Variants in HLA-DPA1 observed in about 807,000 individuals in gnomAD.
HLA-DPA1 encodes major histocompatibility complex, class II, DP alpha 1, also known as HLA class II histocompatibility antigen, DP alpha 1 chain.
A neutral mutation model predicts 21.5 loss-of-function variants in HLA-DPA1; 20 were observed. The ratio of observed to expected loss-of-function variants is 0.93; its 90% CI spans 0.66 to 1.35. The LOEUF is 1.35. Ranked by LOEUF, HLA-DPA1 falls within the 40% of genes most tolerant of loss-of-function variation. HLA-DPA1 has a pLI of 0.00. For synonymous variants in HLA-DPA1, 123 were observed against 129.6 expected, an observed-to-expected ratio of 0.95 and a Z score of 0.35; for missense variants, 279 against 323.0, an observed-to-expected ratio of 0.86 and a Z score of 1.05.
chr6:33,068,640 T>G, exon 5 of HLA-DPA1: 1 of 1,608,662 alleles, frequency 6.2e-7, no homozygotes, highest in Non-Finnish European at 8.5e-7. Flanking sequence ...ATTCCCACCT[T>G]TACAGTATTT....
chr6:33,074,564 TATTTAATGTAATGATG>T (rs1457446266), intron 1 of HLA-DPA1, among the ~76,000 whole-genome samples: 4 of 152,244 alleles, frequency 2.6e-5, no homozygotes, highest in African/African-American at 9.6e-5. Flanking sequence ...AAACATTTAC[TATTTAATGTAATGATG>T]AAGTACATAT....
chr6:33,075,985 C>T (rs1762513971), intron 1 of HLA-DPA1: 10 of 1,308,224 alleles, frequency 7.6e-6, no homozygotes, highest in South Asian at 1.2e-5. Context: ...CTCCCTTTAG[C>T]GAGTCCTTCT....
intron 1 of HLA-DPA1, among the ~76,000 whole-genome samples, chr6:33,077,777 C>T (rs1331053885): frequency 6.6e-6 from 1 of 152,104 alleles, no homozygotes; most frequent in East Asian, 1.9e-4. Context: ...CTAGGACACA[C>T]CTAGAAGGTA....
intron 1 of HLA-DPA1, among the ~76,000 whole-genome samples, chr6:33,076,322 C>T (rs1296863888): frequency 6.6e-6 from 1 of 152,222 alleles, no homozygotes; most frequent in African/African-American, 2.4e-5. Flanking sequence ...ACCCTACTGG[C>T]CTATTCTCTC....
chr6:33,069,776 CCTT>C (rs772373354), exon 3 of HLA-DPA1: 4 of 1,612,408 alleles, frequency 2.5e-6, no homozygotes, highest in Non-Finnish European at 3.4e-6. Context: ...CAGACGGTCT[CCTT>C]CTTGTCCAGA....
intron 2 of HLA-DPA1, 57 bp from the exon 2 acceptor site, chr6:33,069,943 G>C: frequency 6.7e-7 from 1 of 1,503,302 alleles, no homozygotes; most frequent in Non-Finnish European, 9.1e-7. Context: ...TATGCAAGTG[G>C]TCAAAGCTAG....
At chr6:33,073,365 C>A in intron 2 of HLA-DPA1, 106 bp downstream of exon 1, 1 of 752,950 alleles carries the variant, frequency 1.3e-6, no homozygotes, top group Non-Finnish European at 2.4e-6. Flanking sequence ...ACTATGAGGA[C>A]CAGATAGATC....
chr6:33,065,257 ATGAAG>A lies in HLA-DPA1; in HGVS notation c.*98_*102del, dbSNP rs371909285. ...AGTCAGCCACTGGAGTAGTTTTCAC[ATGAAG>A]TGAGAAGAAAAGCTGAGATGGAGTT... On this transcript the variant is annotated 3_prime_UTR_variant, in exon 6 of 6. Transcript: ENST00000419277. The A allele has an allele frequency of 2.0e-3, 307 of 152,480 alleles. 1 individual carries two copies. Among genetic ancestry groups the A allele is most frequent in the Middle Eastern group, 0.014 (4 of 296 alleles). The allele number at this position is 152,480 out of a possible 1,614,324, so 9.4% of individuals were successfully genotyped here.
exon 6 of HLA-DPA1, chr6:33,065,244 G>A (rs905968732): frequency 6.6e-6 from 1 of 152,312 alleles, no homozygotes; most frequent in Non-Finnish European, 1.5e-5. Flanking sequence ...TCAGCCACTG[G>A]AGTAGTTTTC....
chr6:33,068,879 G>C, intron 4 of HLA-DPA1, 75 bp from the exon 4 acceptor site: 1 of 1,559,434 alleles, frequency 6.4e-7, no homozygotes, highest in Non-Finnish European at 8.8e-7. Context: ...TGTGGGAATT[G>C]AAGGTTATGG....
At position 33,071,264 on chromosome 6, in the gene HLA-DPA1, G is replaced by A. The variant is rs141044618; in HGVS notation, c.101-1378C>T. On this transcript the variant is annotated intron_variant, in intron 2 of 5. Transcript: ENST00000419277. ...ACAGTAAGTGGCCAAGCAAAGAGTG[G>A]TATTTGAAACTAAACAAAACAAATC... Among the ~76,000 whole-genome samples, 534 of 152,294 alleles carry A rather than the reference G, an allele frequency of 3.5e-3. 2 individuals carry two copies. The highest frequency in any genetic ancestry group is 0.026 in the East Asian group (133 of 5,190).
exon 2 of HLA-DPA1, chr6:33,073,587 T>A: frequency 6.3e-7 from 1 of 1,580,288 alleles, no homozygotes; most frequent in Non-Finnish European, 8.7e-7. Flanking sequence ...GGGTCTATAA[T>A]TGATGACTGT....
rs759515868 is a variant in HLA-DPA1, at chr6:33,068,699, A to G, written c.734T>C (p.Ile245Thr). 3.1e-6 allele frequency: 5 copies of G among 1,613,030 alleles called. No homozygotes were observed. The South Asian group carries it at 4.4e-5, about 14-fold the overall frequency. Residue 245 changes from isoleucine to threonine, a missense_variant, in exon 5 of 6, where the codon ATA (isoleucine) becomes ACA (threonine). Transcript: ENST00000419277. ...GTCATGGCCAGAACGCAGAGACTTT[A>G]TGATGAGGACGGTGCCCACGATGAT...
chr6:33,066,147 T>C (rs1388662683), intron 5 of HLA-DPA1: 1 of 152,188 alleles, frequency 6.6e-6, no homozygotes, highest in Non-Finnish European at 1.5e-5. Flanking sequence ...GATATAATTA[T>C]AAATGTGTGT....
chr6:33,078,868 C>A (rs375832885), intron 1 of HLA-DPA1, among the ~76,000 whole-genome samples: 3 of 152,260 alleles, frequency 2.0e-5, no homozygotes, highest in South Asian at 2.1e-4. Flanking sequence ...GGAGAATCCA[C>A]ACTCAGAGTG....
intron 1 of HLA-DPA1, chr6:33,076,198 A>G: frequency 1.7e-6 from 2 of 1,204,564 alleles, no homozygotes; most frequent in Non-Finnish European, 1.2e-6. Context: ...TTCCTAGGGG[A>G]CGTTATCTTT....
chr6:33,069,977 A>G, intron 2 of HLA-DPA1, 91 bp from the exon 2 acceptor site: 2 of 1,228,736 alleles, frequency 1.6e-6, no homozygotes, highest in South Asian at 2.9e-5. Context: ...ACTTATGAAT[A>G]TAAAAAGGAA....
chr6:33,079,062 G>A (rs962107848), intron 1 of HLA-DPA1, among the ~76,000 whole-genome samples: 9 of 152,174 alleles, frequency 5.9e-5, no homozygotes, highest in Non-Finnish European at 1.2e-4. Context: ...GAGACTAAAG[G>A]TGGACTCCAT....
chr6:33,069,221 C>T (rs113113454), exon 4 of HLA-DPA1: 21 of 1,612,978 alleles, frequency 1.3e-5, no homozygotes, highest in Non-Finnish European at 1.8e-5. Context: ...GTGGGAAGAA[C>T]TTGTCAATGT....
Sources: allele counts gnomAD v4.1 joint callset (sites outside exome capture counted in the v4.1 genomes callset), GRCh38; gene constraint gnomAD v4.1.1; transcripts MANE v1.5; gene names NCBI Gene and HGNC (gene_info 2026-07-23, HGNC 2026-07-21).